The following OPN5 variants were observed in gnomAD, a reference collection of about 807,000 sequenced individuals.
OPN5 encodes the protein opsin 5.
In OPN5, 18 loss-of-function variants were observed where a neutral mutation model predicts 41.7. That is an observed-to-expected ratio of 0.43 (90% CI 0.30 to 0.64). The LOEUF (loss-of-function observed/expected upper bound fraction) is 0.64. OPN5 is among the 30% of genes least tolerant of loss of function. The pLI is 0.13. For synonymous variants in OPN5, 178 were observed against 164.3 expected, an observed-to-expected ratio of 1.08 and a Z score of -0.64; for missense variants, 318 against 434.5, an observed-to-expected ratio of 0.73 and a Z score of 2.38.
At chr6:47,808,598 G>A (rs1774068759) in intron 5 of OPN5, among the ~76,000 whole-genome samples, 1 of 152,196 alleles carries the variant, frequency 6.6e-6, no homozygotes, top group South Asian at 2.1e-4. Flanking sequence ...GATAGATAGT[G>A]AGAAGTGATT....
chr6:47,825,361 T>C (rs1762761101), downstream of OPN5: 1 of 152,312 alleles, frequency 6.6e-6, no homozygotes, highest in Admixed American at 6.5e-5. Context: ...AGAATTTTTG[T>C]CTAAAAAGCC....
intron 6 of OPN5, among the ~76,000 whole-genome samples, chr6:47,819,096 C>T (rs770607150): frequency 6.6e-5 from 10 of 151,686 alleles, no homozygotes; most frequent in Non-Finnish European, 1.3e-4. Flanking sequence ...TGCAAAAGTT[C>T]GTACAAAAAG....
In OPN5 at chr6:47,811,734, A is replaced by G. The variant is rs527594618; in HGVS notation, c.1056+3A>G. The G allele has an allele frequency of 1.2e-6, 2 of 1,602,732 alleles. No homozygotes were observed. Among genetic ancestry groups the G allele is most frequent in the African/African-American group, 2.7e-5 (2 of 74,840 alleles). ...CTGTGCTGGAAATTCATGAAGAGGT[A>G]TGAAGATGGATACAGCATCACTATG... On this transcript the variant is annotated splice_donor_region_variant and intron_variant, in intron 6 of 6. Transcript: ENST00000371211.
intron 4 of OPN5, among the ~76,000 whole-genome samples, chr6:47,799,895 A>T (rs1773705617): frequency 6.6e-6 from 1 of 152,134 alleles, no homozygotes; most frequent in Non-Finnish European, 1.5e-5. Context: ...TCACACAGTA[A>T]TCTTAATGCC....
chr6:47,785,131 A>G (rs900066063), intron 1 of OPN5, among the ~76,000 whole-genome samples: 1 of 152,230 alleles, frequency 6.6e-6, no homozygotes, highest in East Asian at 1.9e-4. Context: ...AGGTGTTTCA[A>G]TGAGCCTTGT....
chr6:47,800,418 A>G (rs1023221494), intron 4 of OPN5, among the ~76,000 whole-genome samples: 2 of 152,190 alleles, frequency 1.3e-5, no homozygotes, highest in Non-Finnish European at 2.9e-5. Flanking sequence ...GTGGGGCCAC[A>G]GGAGCCTTGG....
At chr6:47,813,228 T>C (rs1469362718) in intron 6 of OPN5, among the ~76,000 whole-genome samples, 3 of 152,114 alleles carry the variant, frequency 2.0e-5, no homozygotes, top group Admixed American at 6.5e-5. Context: ...TTGTACATTA[T>C]AGAGGTGTGA....
chr6:47,824,098 C>T (rs925892708), exon 7 of OPN5: 13 of 832,798 alleles, frequency 1.6e-5, no homozygotes, highest in African/African-American at 1.2e-4. Flanking sequence ...CGCCTCCACT[C>T]CACTTACCCT....
intron 1 of OPN5, 55 bp downstream of exon 1, chr6:47,782,251 G>A: frequency 3.2e-6 from 5 of 1,560,620 alleles, no homozygotes; most frequent in Non-Finnish European, 4.4e-6. Context: ...TTCATGGGCT[G>A]ATATGTTAAT....
intron 4 of OPN5, among the ~76,000 whole-genome samples, chr6:47,798,067 A>T (rs1773633414): frequency 6.6e-6 from 1 of 152,070 alleles, no homozygotes; most frequent in Non-Finnish European, 1.5e-5. Flanking sequence ...GAAATGTTAA[A>T]CAAAGTGTAG....
chr6:47,808,020 A>G, intron 4 of OPN5, 134 bp from the exon 5 acceptor site: 1 of 836,462 alleles, frequency 1.2e-6, no homozygotes, highest in South Asian at 1.6e-5. Context: ...ATTCCTATGT[A>G]CAAAGTAAAT....
intron 6 of OPN5, among the ~76,000 whole-genome samples, chr6:47,822,566 A>G (rs555606663): frequency 1.3e-4 from 20 of 152,336 alleles, no homozygotes; most frequent in African/African-American, 4.6e-4. Context: ...AGTTCCATAG[A>G]AACTCAAAGG....
chr6:47,795,622 C>A, intron 4 of OPN5, 59 bp downstream of exon 4: 1 of 1,208,312 alleles, frequency 8.3e-7, no homozygotes, highest in Non-Finnish European at 1.2e-6. Flanking sequence ...TCATAGGGTA[C>A]AAAGGATAGG....
At chr6:47,824,167 A>G in exon 7 of OPN5, 1 of 616,460 alleles carries the variant, frequency 1.6e-6, no homozygotes, top group South Asian at 2.0e-5. Flanking sequence ...AGGAGTATCC[A>G]AGTATCTTAA....
intron 5 of OPN5, among the ~76,000 whole-genome samples, chr6:47,809,840 G>T (rs1252389014): frequency 6.6e-6 from 1 of 152,106 alleles, no homozygotes; most frequent in Admixed American, 6.5e-5. Flanking sequence ...TGCAGATAGA[G>T]AGAATAATTT....
chr6:47,787,219 G>A (rs1773219613), intron 2 of OPN5: 2 of 956,760 alleles, frequency 2.1e-6, no homozygotes, highest in South Asian at 4.8e-5. Flanking sequence ...ATCTGGGGAA[G>A]TTCTGAATTA....
intron 4 of OPN5, among the ~76,000 whole-genome samples, chr6:47,802,517 A>C (rs939425570): frequency 6.6e-6 from 1 of 152,132 alleles, no homozygotes; most frequent in Non-Finnish European, 1.5e-5. Context: ...AAGAGAATGA[A>C]ATGATATCTC....
At chr6:47,805,444 G>T (rs1182840721) in intron 4 of OPN5, among the ~76,000 whole-genome samples, 1 of 152,024 alleles carries the variant, frequency 6.6e-6, no homozygotes, top group Non-Finnish European at 1.5e-5. Context: ...GTGTGTGTGT[G>T]TGCTGCAGGT....
chr6:47,791,887 TG>T lies in OPN5; in HGVS notation c.338del (p.Gly113AspfsTer12), dbSNP rs1561891582. 1 of 1,614,096 alleles carries T rather than the reference TG, an allele frequency of 6.2e-7. No individual in the cohort carries two copies. Among genetic ancestry groups the T allele is most frequent in the Non-Finnish European group, 8.5e-7 (1 of 1,179,956 alleles). On this transcript the variant is annotated frameshift_variant, in exon 3 of 7. Coordinates refer to ENST00000371211, the Ensembl canonical transcript of OPN5. LOFTEE classifies it high-confidence loss of function. Reference sequence around the variant, plus strand: ...TCGGCTGCCGCTGGTATGGATGGGCTGGATTTTTCTTTGGCTGTGGAAGCCT... The same window carrying T: ...TCGGCTGCCGCTGGTATGGATGGGCTGATTTTTCTTTGGCTGTGGAAGCCT...
Sources: allele counts gnomAD v4.1 joint callset (sites outside exome capture counted in the v4.1 genomes callset), GRCh38; gene constraint gnomAD v4.1.1; transcripts MANE v1.5; gene names NCBI Gene and HGNC (gene_info 2026-07-23, HGNC 2026-07-21).